Variants in CRY2 observed in about 807,000 individuals in gnomAD.
CRY2 encodes cryptochrome-2.
In CRY2, 31 loss-of-function variants were observed where a neutral mutation model predicts 69.5. That is an observed-to-expected ratio of 0.45 (90% CI 0.34 to 0.60). CRY2 has a LOEUF of 0.60. CRY2 is among the 20% of genes least tolerant of loss of function. The pLI is 0.02. For missense variants in CRY2, 606 were observed against 797.8 expected (o/e 0.76, Z 2.90); for synonymous variants, 303 against 312.2 (o/e 0.97, Z 0.31).
intron 1 of CRY2, among the ~76,000 whole-genome samples, chr11:45,853,841 AC>A (rs1565056035): frequency 2.0e-5 from 3 of 152,136 alleles, no homozygotes; most frequent in Admixed American, 6.5e-5. Flanking sequence ...TCTGGAGGTG[AC>A]AATTTTTCAA....
intron 11 of CRY2, among the ~76,000 whole-genome samples, chr11:45,879,719 A>G (rs1399302042): frequency 6.6e-6 from 1 of 152,190 alleles, no homozygotes; most frequent in Non-Finnish European, 1.5e-5. Context: ...TGGGATCTCA[A>G]GTTGTGTTAG....
In CRY2 at chr11:45,882,638, CAG is replaced by C. The variant is rs1246635956; in HGVS notation, c.*1728_*1729del. ...ATCATCGTGGGAGGGGAGCAGGGCACAGGGGATGGTGTGCATTCAGAGCATTG... is the reference window on the plus strand; with the variant it reads ...ATCATCGTGGGAGGGGAGCAGGGCACGGGATGGTGTGCATTCAGAGCATTG... On this transcript the variant is annotated 3_prime_UTR_variant, in exon 12 of 12. Transcript: ENST00000616080. 3 of 398,986 alleles carry C rather than the reference CAG, an allele frequency of 7.5e-6. No homozygotes were observed. Among genetic ancestry groups the C allele is most frequent in the African/African-American group, 2.1e-5 (1 of 48,634 alleles). The allele number at this position is 398,986 out of a possible 1,614,324, so 24.7% of individuals were successfully genotyped here. A position where few individuals can be genotyped will look rare whatever the true frequency, so the allele number is the denominator to read the frequency against.
At position 45,882,786 on chromosome 11, in the gene CRY2, A is replaced by T. The variant is rs1168043236; in HGVS notation, c.*1875A>T. On this transcript the variant is annotated 3_prime_UTR_variant, in exon 12 of 12. Coordinates refer to ENST00000616080, the MANE Select transcript of CRY2 (RefSeq NM_021117.5). ...CTGAGAGTGGGAAGGCCAAAGGCCGAGGCCCAGATTTAGTATTCACTAGCA... is the reference window on the plus strand; with the variant it reads ...CTGAGAGTGGGAAGGCCAAAGGCCGTGGCCCAGATTTAGTATTCACTAGCA... 2.5e-6 allele frequency: 1 copy of T among 398,520 alleles called. No individual in the cohort carries two copies. Among genetic ancestry groups the T allele is most frequent in the Admixed American group, 4.4e-5 (1 of 22,718 alleles). 24.7% of individuals were successfully genotyped at this position (398,520 alleles called of 1,614,324 possible).
intron 11 of CRY2, among the ~76,000 whole-genome samples, chr11:45,873,975 T>C (rs1360816042): frequency 6.6e-6 from 1 of 152,182 alleles, no homozygotes; most frequent in Non-Finnish European, 1.5e-5. Context: ...AGGTTGCTGT[T>C]GCAAGAATTA....
chr11:45,867,553 C>A, intron 5 of CRY2, 59 bp from the exon 6 acceptor site: 1 of 1,604,380 alleles, frequency 6.2e-7, no homozygotes, highest in Non-Finnish European at 8.5e-7. Flanking sequence ...CCAATGCCTC[C>A]ATTTTTTCCT....
chr11:45,872,286 G>GT (rs983172443), intron 11 of CRY2, 53 bp downstream of exon 11: 33 of 1,536,690 alleles, frequency 2.1e-5, no homozygotes, highest in Non-Finnish European at 2.8e-5. Context: ...GGAGTGGGGG[G>GT]GCCTACTGCC....
At position 45,847,490 on chromosome 11, in the gene CRY2, C is replaced by A. The variant is rs369643693; in HGVS notation, c.-1C>A. ...GGGTGGCTGGAGCAGTCTGGACAGT[C>A]ATGGCGGCGACTGTGGCGACGGCGG... is the stretch of plus-strand genomic sequence containing the variant. On this transcript the variant is annotated 5_prime_UTR_variant, in exon 1 of 12. Transcript: ENST00000616080. The A allele has an allele frequency of 9.4e-6, 15 of 1,599,054 alleles. No individual in the cohort carries two copies. Among genetic ancestry groups the A allele is most frequent in the Middle Eastern group, 1.7e-4 (1 of 6,010 alleles).
Position 45,862,083 on chromosome 11 carries a change from C to G in CRY2, c.676C>G (p.Pro226Ala), listed in dbSNP as rs2086292541. Reference protein sequence around the residue: ...ELGFPTEGLGPAVWQGGETEA... With the variant: ...ELGFPTEGLGAAVWQGGETEA... ...AGGGTTCCCCACTGAAGGACTTGGTCCAGCTGTCTGGCAGGGAGGAGAGAC... is the reference window on the plus strand; with the variant it reads ...AGGGTTCCCCACTGAAGGACTTGGTGCAGCTGTCTGGCAGGGAGGAGAGAC... The change falls in exon 5 of 12, where the codon CCA becomes GCA. Residue 226 changes from proline (P) to alanine (A), a missense_variant. Physicochemically the swap from Pro to Ala is conservative, Grantham distance 27. Coordinates refer to ENST00000616080, the MANE Select transcript of CRY2 (RefSeq NM_021117.5). The G allele has an allele frequency of 6.2e-7, 1 of 1,613,800 alleles. No homozygotes were observed. Among genetic ancestry groups the G allele is most frequent in the Non-Finnish European group, 8.5e-7 (1 of 1,179,968 alleles).
In CRY2 at chr11:45,870,546, C is replaced by T. The variant is rs2086370098; in HGVS notation, c.1549+14C>T. The T allele has an allele frequency of 1.2e-6, 2 of 1,612,930 alleles. No homozygotes were observed. The highest frequency in any genetic ancestry group is 1.7e-6 in the Non-Finnish European group (2 of 1,179,420). Reference sequence around the variant, plus strand: ...ACCGGGGACTCTGTAAGGAGACAAACACCTAGCTCACTGAAGGGAAGGACA... The same window carrying T: ...ACCGGGGACTCTGTAAGGAGACAAATACCTAGCTCACTGAAGGGAAGGACA... On this transcript the variant is annotated intron_variant, in intron 9 of 11. Transcript: ENST00000616080.
chr11:45,864,360 C>A (rs1353237155), intron 5 of CRY2, among the ~76,000 whole-genome samples: 1 of 152,198 alleles, frequency 6.6e-6, no homozygotes, highest in South Asian at 2.1e-4. Flanking sequence ...CAGTGACTCA[C>A]ACCTGTAATC....
chr11:45,847,851 C>G (rs1211891264), intron 1 of CRY2, 146 bp downstream of exon 1: 3 of 1,184,118 alleles, frequency 2.5e-6, no homozygotes, highest in African/African-American at 3.1e-5. Context: ...TCGTCATGGT[C>G]CTAACGCGCC....
intron 8 of CRY2, 56 bp downstream of exon 8, chr11:45,870,260 T>C: frequency 6.2e-7 from 1 of 1,611,502 alleles, no homozygotes; most frequent in Non-Finnish European, 8.5e-7. Context: ...CCTACTAGGA[T>C]GGGATACCCT....
Position 45,871,947 on chromosome 11 carries a change from G to A in CRY2, c.1643-145G>A, listed in dbSNP as rs2086386703. 3 of 1,176,364 alleles carry A rather than the reference G, an allele frequency of 2.6e-6. No individual in the cohort carries two copies. In the Admixed American group the frequency reaches 8.0e-5, roughly 32 times the overall value. 72.9% of individuals were successfully genotyped at this position (1,176,364 alleles called of 1,614,324 possible). A position where few individuals can be genotyped will look rare whatever the true frequency, so the allele number is the denominator to read the frequency against. On this transcript the variant is annotated intron_variant, in intron 10 of 11. Coordinates refer to ENST00000616080, the MANE Select transcript of CRY2 (RefSeq NM_021117.5). ...AGGCAAAGTCACTGCTGAAAGCAAG[G>A]CCGAGGGGCAGGTCTGAGGAGCAGC...
Position 45,857,493 on chromosome 11 carries a change from A to G in CRY2, c.325-1238A>G, listed in dbSNP as rs144613949. ...TCCCAGAGATATAGCTAGGTCATCC[A>G]TTCAGTCATGTAATGTATTTTTATT... is the stretch of plus-strand genomic sequence containing the variant. On this transcript the variant is annotated intron_variant, in intron 2 of 11. Coordinates refer to ENST00000616080, the MANE Select transcript of CRY2 (RefSeq NM_021117.5). Among the ~76,000 whole-genome samples, 534 of 152,260 alleles carry G rather than the reference A, an allele frequency of 3.5e-3. 5 individuals are homozygous for G. Among genetic ancestry groups the G allele is most frequent in the African/African-American group, 0.013 (524 of 41,534 alleles).
chr11:45,849,651 G>A (rs1442152727), intron 1 of CRY2, among the ~76,000 whole-genome samples: 4 of 125,184 alleles, frequency 3.2e-5, no homozygotes, highest in African/African-American at 6.0e-5. Context: ...ACGGAGTTTT[G>A]TTCTTGTTGC....
Position 45,869,572 on chromosome 11 carries a change from A to T in CRY2, c.949A>T (p.Thr317Ser), listed in dbSNP as rs911008719. 5.0e-6 allele frequency: 8 copies of T among 1,614,222 alleles called. No individual in the cohort carries two copies. Among genetic ancestry groups the T allele is most frequent in the Non-Finnish European group, 5.9e-6 (7 of 1,180,042 alleles). Residue 317 changes from threonine to serine, a missense_variant, in exon 7 of 12, where the codon ACG becomes TCG. Coordinates refer to ENST00000616080, the MANE Select transcript of CRY2 (RefSeq NM_021117.5). ...ACTCCTATGGCGAGAGTTCTTCTAC[A>T]CGGCAGCTACCAACAACCCCAGGTT... ...GQLLWREFFYTAATNNPRFDR... is the reference protein window; with the variant it reads ...GQLLWREFFYSAATNNPRFDR...
chr11:45,877,720 C>T (rs1016700315), intron 11 of CRY2, among the ~76,000 whole-genome samples: 2 of 152,182 alleles, frequency 1.3e-5, no homozygotes, highest in African/African-American at 4.8e-5. Flanking sequence ...CCCTTTAGTC[C>T]TGCTATCATC....
intron 1 of CRY2, 51 bp downstream of exon 1, chr11:45,847,756 T>C: frequency 9.4e-6 from 14 of 1,495,748 alleles, no homozygotes; most frequent in Non-Finnish European, 1.3e-5. Context: ...ACCCTGACCC[T>C]GGGGTGACCG....
At chr11:45,870,294 G>A (rs762503434) in intron 8 of CRY2, 36 bp from the exon 9 acceptor site, 9 of 1,613,768 alleles carry the variant, frequency 5.6e-6, no homozygotes, top group Non-Finnish European at 7.6e-6. Flanking sequence ...GAGGGTCTGG[G>A]TATGCTGATG....
Sources: gnomAD v4.1 joint callset for allele counts (sites outside exome capture counted in the v4.1 genomes callset) on GRCh38, gnomAD v4.1.1 for gene constraint, MANE v1.5 for transcripts, NCBI Gene and HGNC (gene_info 2026-07-23, HGNC 2026-07-21) for gene names.